The following DHRS13 variants were observed in gnomAD, a reference collection of about 807,000 sequenced individuals.
DHRS13 encodes dehydrogenase/reductase SDR family member 13.
DHRS13 carries 22 observed loss-of-function variants against 17.9 expected under a neutral mutation model. That is an observed-to-expected ratio of 1.23 (90% confidence interval 0.88 to 1.75). DHRS13 has a LOEUF of 1.75. Among genes scored for constraint, DHRS13 ranks in the 40% most tolerant of loss-of-function variants. The pLI, the probability that DHRS13 is intolerant of heterozygous loss-of-function variation, is 0.00. For synonymous variants in DHRS13, 206 were observed against 220.4 expected (o/e 0.93, Z 0.58); for missense variants, 483 against 519.9 (o/e 0.93, Z 0.69).
At position 28,898,740 on chromosome 17, in the gene DHRS13, CACT is replaced by C; in HGVS notation, c.832_834del (p.Ser278del). ...ACATGGCAGTTGGCAAAATATCTCC[CACT>C]GAGGGGCTCGATGCCCTCTTGTAGA... On this transcript the variant is annotated inframe_deletion, in exon 5 of 5. Coordinates refer to ENST00000378895, the MANE Select transcript of DHRS13 (RefSeq NM_144683.4). 6.2e-7 allele frequency: 1 copy of C among 1,613,986 alleles called. No individual in the cohort carries two copies. Among genetic ancestry groups the C allele is most frequent in the Non-Finnish European group, 8.5e-7 (1 of 1,179,946 alleles).
chr17:28,901,045 C>T lies in DHRS13; in HGVS notation c.627G>A (p.Arg209=). ...DTKLANVLFA[R]ELANQLEATG... Reference sequence around the variant, plus strand: ...TGGCCTCAAGCTGGTTGGCGAGCTCCCGGGCAAACAGTACATTAGCCAGCT... The same window carrying T: ...TGGCCTCAAGCTGGTTGGCGAGCTCTCGGGCAAACAGTACATTAGCCAGCT... Residue 209 remains arginine (R), a synonymous_variant, in exon 4 of 5, where the codon CGG becomes CGA. Transcript: ENST00000378895. This position sits in a 1 kb window ranked among gnomAD's most constrained non-coding sequence, Gnocchi z 4.3. 6.2e-7 allele frequency: 1 copy of T among 1,612,878 alleles called. No individual in the cohort carries two copies. The highest frequency in any genetic ancestry group is 8.5e-7 in the Non-Finnish European group (1 of 1,179,044).
Position 28,903,017 on chromosome 17 carries a change from C to T in DHRS13, c.-73G>A. ...TCGCCGCCAGGCGGCTGCCGATCCGCCCTGCACAGGCCTGGAACGGCGCCC... is the reference window on the plus strand; with the variant it reads ...TCGCCGCCAGGCGGCTGCCGATCCGTCCTGCACAGGCCTGGAACGGCGCCC... On this transcript the variant is annotated 5_prime_UTR_variant, in exon 1 of 5. Transcript: ENST00000378895. This position sits in a 1 kb window ranked among gnomAD's most constrained non-coding sequence, Gnocchi z 4.8. The T allele has an allele frequency of 7.7e-7, 1 of 1,297,326 alleles. No homozygotes were observed. The highest frequency in any genetic ancestry group is 2.0e-5 in the South Asian group (1 of 49,768). 80.4% of individuals were successfully genotyped at this position (1,297,326 alleles called of 1,614,324 possible).
intron 4 of DHRS13, among the ~76,000 whole-genome samples, chr17:28,900,676 C>T (rs2039798211): frequency 6.6e-6 from 1 of 152,150 alleles, no homozygotes; most frequent in South Asian, 2.1e-4. Flanking sequence ...GAATTATTAG[C>T]TATCATCATC....
Position 28,902,478 on chromosome 17 carries a change from G to T in DHRS13, c.246+105C>A. 8.5e-7 allele frequency: 1 copy of T among 1,176,240 alleles called. No homozygotes were observed. The highest frequency in any genetic ancestry group is 2.0e-5 in the South Asian group (1 of 51,034). 72.9% of individuals were successfully genotyped at this position (1,176,240 alleles called of 1,614,324 possible). A position where few individuals can be genotyped will look rare whatever the true frequency, so the allele number is the denominator to read the frequency against. ...CTCTTCGCGCTCAGCCGCCCGCGCC[G>T]CGCTCTCCTCCCTGGACCCGGATCC... is the stretch of plus-strand genomic sequence containing the variant. On this transcript the variant is annotated intron_variant, in intron 2 of 4. Transcript: ENST00000378895. This position sits in a 1 kb window ranked among gnomAD's most constrained non-coding sequence, Gnocchi z 4.0.
In DHRS13 at chr17:28,902,654, G is replaced by C. The variant is rs1278348868; in HGVS notation, c.175C>G (p.Arg59Gly). 4 of 1,438,576 alleles carry C rather than the reference G, an allele frequency of 2.8e-6. No individual in the cohort carries two copies. The highest frequency in any genetic ancestry group is 1.4e-5 in the South Asian group (1 of 72,662). 89.1% of individuals were successfully genotyped at this position (1,438,576 alleles called of 1,614,324 possible). A position where few individuals can be genotyped will look rare whatever the true frequency, so the allele number is the denominator to read the frequency against. ...GKMTALELAR[R>G]GARVVLACRS... ...CAGGCCAGCACCACGCGCGCTCCCC[G>C]GCGCGCCAGCTCCAGCGCCGTCATC... Residue 59 changes from arginine to glycine, a missense_variant, in exon 2 of 5, where the codon CGG (arginine) becomes GGG (glycine). By Grantham distance (125) the Arg-to-Gly change is moderately radical (BLOSUM62 -2). Transcript: ENST00000378895. This position sits in a 1 kb window ranked among gnomAD's most constrained non-coding sequence, Gnocchi z 4.0.
In DHRS13 at chr17:28,901,089, G is replaced by A. The variant is rs1485008987; in HGVS notation, c.583C>T (p.Arg195Trp). The A allele has an allele frequency of 3.1e-6, 5 of 1,614,052 alleles. No individual in the cohort carries two copies. Among genetic ancestry groups the A allele is most frequent in the East Asian group, 4.5e-5 (2 of 44,898 alleles). Residue 195 changes from arginine (R) to tryptophan (W), a missense_variant, in exon 4 of 5, where the codon CGG (arginine) becomes TGG (tryptophan). By Grantham distance (101) the Arg-to-Trp change is moderately radical. Transcript: ENST00000378895. The surrounding 1 kb of genome is among the most constrained non-coding windows in gnomAD (Gnocchi z 4.3). ...GCCAGCTTAGTGTCAGCATATGCCC[G>A]CAGCTCCTGCCGCCAGCCCACCACT... ...RPVVGWRQEL[R>W]AYADTKLANV...
At position 28,898,687 on chromosome 17, in the gene DHRS13, G is replaced by A. The variant is rs368973444; in HGVS notation, c.888C>T (p.Asp296=). The A allele has an allele frequency of 3.9e-5, 63 of 1,613,564 alleles. No homozygotes were observed. Among genetic ancestry groups the A allele is most frequent in the Admixed American group, 1.2e-4 (7 of 59,976 alleles). Residue 296 remains aspartate (D), a synonymous_variant, in exon 5 of 5, where the codon GAC becomes GAT. Coordinates refer to ENST00000378895, the MANE Select transcript of DHRS13 (RefSeq NM_144683.4). ...HVEEVPPAAR[D]DRAAHRLWEA... ...CCCATAGCCGATGGGCTGCCCGGTC[G>A]TCTCGGGCAGCTGGAGGCACCTCTT... is the stretch of plus-strand genomic sequence containing the variant.
Position 28,899,172 on chromosome 17 carries a change from T to A in DHRS13, c.683-280A>T. On this transcript the variant is annotated intron_variant, in intron 4 of 4. Transcript: ENST00000378895. The surrounding 1 kb of genome is among the most constrained non-coding windows in gnomAD (Gnocchi z 4.7). ...GAGGTGACTTCACTCATTTCCTGCA[T>A]GAAGCCTCTTCGCTTCCATCCAGAC... The A allele has an allele frequency of 5.8e-6, 2 of 345,074 alleles. No individual in the cohort carries two copies. The highest frequency in any genetic ancestry group is 6.2e-5 in the East Asian group (1 of 16,194). The allele number at this position is 345,074 out of a possible 1,614,324, so 21.4% of individuals were successfully genotyped here. A position where few individuals can be genotyped will look rare whatever the true frequency, so the allele number is the denominator to read the frequency against.
chr17:28,899,884 T>C lies in DHRS13; in HGVS notation c.683-992A>G, dbSNP rs945292217. Among the ~76,000 whole-genome samples the C allele has an allele frequency of 6.6e-6, 1 of 152,018 alleles. No homozygotes were observed. The highest frequency in any genetic ancestry group is 1.5e-5 in the Non-Finnish European group (1 of 68,014). ...CACAATGCCTAGCTAATTTTTGTAT[T>C]TGTAGTAGAGACAGGTTTTCTTTTT... On this transcript the variant is annotated intron_variant, in intron 4 of 4. Coordinates refer to ENST00000378895, the MANE Select transcript of DHRS13 (RefSeq NM_144683.4). This position sits in a 1 kb window ranked among gnomAD's most constrained non-coding sequence, Gnocchi z 4.7.
rs143081752 is a variant in DHRS13 at position 28,901,077 on chromosome 17, C to G, written c.595G>C (p.Asp199His). ...GWRQELRAYA[D>H]TKLANVLFAR... ...AACAGTACATTAGCCAGCTTAGTGT[C>G]AGCATATGCCCGCAGCTCCTGCCGC... The change falls in exon 4 of 5, where the codon GAC becomes CAC. Residue 199 changes from aspartate to histidine, a missense_variant. Physicochemically the swap from Asp to His is moderately conservative, Grantham distance 81 (BLOSUM62 -1). Transcript: ENST00000378895. The surrounding 1 kb of genome is among the most constrained non-coding windows in gnomAD (Gnocchi z 4.3). 1.8e-4 allele frequency: 297 copies of G among 1,614,084 alleles called. No homozygotes were observed. Among genetic ancestry groups the G allele is most frequent in the Middle Eastern group, 3.3e-4 (2 of 6,084 alleles).
Position 28,901,325 on chromosome 17 carries a change from C to T in DHRS13, c.371-24G>A, listed in dbSNP as rs538333570. 193 of 1,588,570 alleles carry T rather than the reference C, an allele frequency of 1.2e-4. No individual in the cohort carries two copies. In the South Asian group the frequency reaches 2.0e-3, roughly 17 times the overall value. On this transcript the variant is annotated intron_variant, in intron 3 of 4. Coordinates refer to ENST00000378895, the MANE Select transcript of DHRS13 (RefSeq NM_144683.4). This position sits in a 1 kb window ranked among gnomAD's most constrained non-coding sequence, Gnocchi z 4.3. Reference sequence around the variant, plus strand: ...ACCTGGGGCAGAGGCTAAATGTGAGCGGCTGCTCCAGAAGGAGCTCTGCAG... The same window carrying T: ...ACCTGGGGCAGAGGCTAAATGTGAGTGGCTGCTCCAGAAGGAGCTCTGCAG...
chr17:28,901,804 A>G lies in DHRS13; in HGVS notation c.247-188T>C. On this transcript the variant is annotated intron_variant, in intron 2 of 4. Coordinates refer to ENST00000378895, the MANE Select transcript of DHRS13 (RefSeq NM_144683.4). This position sits in a 1 kb window ranked among gnomAD's most constrained non-coding sequence, Gnocchi z 4.3. ...TTTTACTAAAGTGTGACCTTGGGCA[A>G]GATACTTAATCTCTCTGGGTCTCAG... 1 of 889,266 alleles carries G rather than the reference A, an allele frequency of 1.1e-6. No homozygotes were observed. Among genetic ancestry groups the G allele is most frequent in the Non-Finnish European group, 1.7e-6 (1 of 605,908 alleles). The allele number at this position is 889,266 out of a possible 1,614,324, so 55.1% of individuals were successfully genotyped here.
intron 4 of DHRS13, among the ~76,000 whole-genome samples, chr17:28,900,283 C>A (rs1169930945): frequency 6.6e-6 from 1 of 152,214 alleles, no homozygotes; most frequent in Admixed American, 6.5e-5. Context: ...CCAGCCTTGG[C>A]CTCCCAAAGT....
chr17:28,901,471 C>A lies in DHRS13; in HGVS notation c.370+22G>T, dbSNP rs376093533. 3 of 1,613,282 alleles carry A rather than the reference C, an allele frequency of 1.9e-6. No individual in the cohort carries two copies. Among genetic ancestry groups the A allele is most frequent in the Non-Finnish European group, 2.5e-6 (3 of 1,179,770 alleles). Reference sequence around the variant, plus strand: ...CTGGCCACCCGCCACCCCACCCCCACGCAGGGCCTGCTGCCCCTCACCGGC... The same window carrying A: ...CTGGCCACCCGCCACCCCACCCCCAAGCAGGGCCTGCTGCCCCTCACCGGC... On this transcript the variant is annotated intron_variant, in intron 3 of 4. Coordinates refer to ENST00000378895, the MANE Select transcript of DHRS13 (RefSeq NM_144683.4). The surrounding 1 kb of genome is among the most constrained non-coding windows in gnomAD (Gnocchi z 4.3).
At position 28,902,706 on chromosome 17, in the gene DHRS13, G is replaced by A; in HGVS notation, c.128-5C>T. The stretch of plus-strand genomic sequence containing the variant: ...TTCCGATGCCGCTGTTGGCGCCTGC[G>A]GACCGCGGGCGGGAGCCGAGCTGAG... On this transcript the variant is annotated splice_region_variant and splice_polypyrimidine_tract_variant and intron_variant, in intron 1 of 4. Coordinates refer to ENST00000378895, the MANE Select transcript of DHRS13 (RefSeq NM_144683.4). The surrounding 1 kb of genome is among the most constrained non-coding windows in gnomAD (Gnocchi z 4.0). 1.5e-6 allele frequency: 2 copies of A among 1,357,834 alleles called. No individual in the cohort carries two copies. The highest frequency in any genetic ancestry group is 1.9e-6 in the Non-Finnish European group (2 of 1,063,158). The allele number at this position is 1,357,834 out of a possible 1,614,324, so 84.1% of individuals were successfully genotyped here.
Position 28,902,785 on chromosome 17 carries a change from CG to C in DHRS13, c.127+32del. ...GGCCCGGCCTCCTCTCCGCGCGCCC[CG>C]CCAGCTCGCACTCACCCGCCTCCGC... On this transcript the variant is annotated intron_variant, in intron 1 of 4. Coordinates refer to ENST00000378895, the MANE Select transcript of DHRS13 (RefSeq NM_144683.4). This position sits in a 1 kb window ranked among gnomAD's most constrained non-coding sequence, Gnocchi z 4.0. 1 of 1,481,112 alleles carries C rather than the reference CG, an allele frequency of 6.8e-7. No homozygotes were observed. The highest frequency in any genetic ancestry group is 8.9e-7 in the Non-Finnish European group (1 of 1,122,716). 91.7% of individuals were successfully genotyped at this position (1,481,112 alleles called of 1,614,324 possible). A position where few individuals can be genotyped will look rare whatever the true frequency, so the allele number is the denominator to read the frequency against.
In DHRS13 at chr17:28,902,762, C is replaced by G. The variant is rs1355501188; in HGVS notation, c.127+56G>C. The G allele has an allele frequency of 2.1e-6, 3 of 1,416,792 alleles. No homozygotes were observed. Among genetic ancestry groups the G allele is most frequent in the Admixed American group, 6.2e-5 (2 of 32,062 alleles). The allele number at this position is 1,416,792 out of a possible 1,614,324, so 87.8% of individuals were successfully genotyped here. ...CCCGGCGGGCCGCTGCTACCGCCGG[C>G]CCGGCCTCCTCTCCGCGCGCCCCGC... On this transcript the variant is annotated intron_variant, in intron 1 of 4. Transcript: ENST00000378895. The surrounding 1 kb of genome is among the most constrained non-coding windows in gnomAD (Gnocchi z 4.0).
In DHRS13 at chr17:28,898,266, A is replaced by G; in HGVS notation, c.*175T>C. 7.8e-6 allele frequency: 5 copies of G among 642,024 alleles called. No individual in the cohort carries two copies. The highest frequency in any genetic ancestry group is 1.3e-5 in the Non-Finnish European group (5 of 383,052). The allele number at this position is 642,024 out of a possible 1,614,324, so 39.8% of individuals were successfully genotyped here. On this transcript the variant is annotated 3_prime_UTR_variant, in exon 5 of 5. Coordinates refer to ENST00000378895, the MANE Select transcript of DHRS13 (RefSeq NM_144683.4). ...TTACTGTCACTCTCAGGAAGAAATAATCACCCATTATTCCTTCAACCAGGA... is the reference window on the plus strand; with the variant it reads ...TTACTGTCACTCTCAGGAAGAAATAGTCACCCATTATTCCTTCAACCAGGA...
rs1424301968 is a variant in DHRS13 at position 28,902,336 on chromosome 17, C to A, written c.246+247G>T. ...TGTTCCCTTTCCTACTGATCATTAA[C>A]CCAACTTCTACTGATGCTTAAACGT... On this transcript the variant is annotated intron_variant, in intron 2 of 4. Transcript: ENST00000378895. The surrounding 1 kb of genome is among the most constrained non-coding windows in gnomAD (Gnocchi z 4.0). Among the ~76,000 whole-genome samples, 1 of 152,208 alleles carries A rather than the reference C, an allele frequency of 6.6e-6. No homozygotes were observed. Among genetic ancestry groups the A allele is most frequent in the Non-Finnish European group, 1.5e-5 (1 of 68,034 alleles).
Sources: gnomAD v4.1 joint callset for allele counts (sites outside exome capture counted in the v4.1 genomes callset) on GRCh38, gnomAD v4.1.1 for gene constraint, Gnocchi (gnomAD v3.1) non-coding constraint, MANE v1.5 for transcripts, NCBI Gene and HGNC (gene_info 2026-07-23, HGNC 2026-07-21) for gene names.